Variants in NFIA observed in about 807,000 individuals in gnomAD.
The protein encoded by NFIA is nuclear factor I A.
In NFIA, 8 loss-of-function variants were observed where a neutral mutation model predicts 62.8. The ratio of observed to expected loss-of-function variants is 0.13; its 90% confidence interval spans 0.07 to 0.23. The LOEUF is 0.23. NFIA is among the 10% of genes least tolerant of loss of function. The pLI is 1.00. For missense variants in NFIA, 410 were observed against 642.1 expected (o/e 0.64, Z 3.91); for synonymous variants, 235 against 238.1 (o/e 0.99, Z 0.12).
At chr1:61,203,908 G>A (rs979965886) in intron 2 of NFIA, among the ~76,000 whole-genome samples, 1 of 152,184 alleles carries the variant, frequency 6.6e-6, no homozygotes, top group African/African-American at 2.4e-5. Context: ...CAGTTGCCAG[G>A]CTCCATTTGG....
intron 2 of NFIA, among the ~76,000 whole-genome samples, chr1:61,198,469 T>C (rs1259170058): frequency 6.6e-6 from 1 of 152,210 alleles, no homozygotes. Flanking sequence ...GGTGATTTAG[T>C]GTGAAAGTAC....
chr1:61,244,978 TA>T (rs1301050246), intron 2 of NFIA, among the ~76,000 whole-genome samples: 1 of 152,206 alleles, frequency 6.6e-6, no homozygotes, highest in Non-Finnish European at 1.5e-5. Flanking sequence ...TTTTCTTCAT[TA>T]AATACTTTCA....
chr1:61,357,364 G>A (rs1251924235), intron 5 of NFIA, among the ~76,000 whole-genome samples: 1 of 152,232 alleles, frequency 6.6e-6, no homozygotes, highest in Non-Finnish European at 1.5e-5. Flanking sequence ...TTCGGACTGT[G>A]AGGGTGTCTG....
intron 2 of NFIA, among the ~76,000 whole-genome samples, chr1:61,092,684 T>C (rs1391344860): frequency 6.6e-6 from 1 of 152,254 alleles, no homozygotes; most frequent in Non-Finnish European, 1.5e-5. Flanking sequence ...ATTATTCCAT[T>C]TCAGCCAAAA....
chr1:61,433,343 G>A (rs1324617407), intron 10 of NFIA, among the ~76,000 whole-genome samples: 1 of 152,200 alleles, frequency 6.6e-6, no homozygotes, highest in South Asian at 2.1e-4. Context: ...TTTGTCCAGA[G>A]ACCAGATAGC....
At chr1:61,294,295 CAGGCATT>C (rs147408111) in intron 3 of NFIA, among the ~76,000 whole-genome samples, 2,085 of 152,294 alleles carry the variant, frequency 0.014, 35 homozygotes, top group African/African-American at 0.048. Context: ...GATACTGCTC[CAGGCATT>C]AGTCACAAGA....
intron 2 of NFIA, among the ~76,000 whole-genome samples, chr1:61,248,597 A>G (rs1228307386): frequency 6.6e-6 from 1 of 152,208 alleles, no homozygotes; most frequent in Non-Finnish European, 1.5e-5. Flanking sequence ...CAATTAATGA[A>G]GGGGATTTAA....
intron 2 of NFIA, among the ~76,000 whole-genome samples, chr1:61,161,622 CAG>C (rs1477734877): frequency 6.6e-6 from 1 of 150,774 alleles, no homozygotes; most frequent in Non-Finnish European, 1.5e-5. Context: ...CACACACACG[CAG>C]ACAGTCTCTG....
At position 61,459,526 on chromosome 1, in the gene NFIA, C is replaced by T. The variant is rs994696606; in HGVS notation, c.*4206C>T. ...ATGACAGTTACGTGTGGTCAGCCCGCTCCCCAGGCCCGTCCCTGCCGCCGC... is the reference window on the plus strand; with the variant it reads ...ATGACAGTTACGTGTGGTCAGCCCGTTCCCCAGGCCCGTCCCTGCCGCCGC... On this transcript the variant is annotated 3_prime_UTR_variant, in exon 11 of 11. Coordinates refer to ENST00000403491, the MANE Select transcript of NFIA (RefSeq NM_001134673.4). 2 of 152,360 alleles carry T rather than the reference C, an allele frequency of 1.3e-5. No individual in the cohort carries two copies. The highest frequency in any genetic ancestry group is 4.8e-5 in the African/African-American group (2 of 41,448). 9.4% of individuals were successfully genotyped at this position (152,360 alleles called of 1,614,324 possible).
intron 2 of NFIA, among the ~76,000 whole-genome samples, chr1:61,090,198 G>T (rs1646296024): frequency 6.6e-6 from 1 of 152,116 alleles, no homozygotes; most frequent in Admixed American, 6.5e-5. Flanking sequence ...AAATGTGTCT[G>T]CATATGTTAA....
chr1:61,452,279 A>AT (rs1172587570), intron 10 of NFIA, among the ~76,000 whole-genome samples: 1 of 151,536 alleles, frequency 6.6e-6, no homozygotes, highest in East Asian at 1.9e-4. Context: ...TATTATTATT[A>AT]TTAGAACTAT....
intron 2 of NFIA, among the ~76,000 whole-genome samples, chr1:61,144,869 G>A (rs1358577996): frequency 3.3e-5 from 5 of 152,054 alleles, no homozygotes; most frequent in African/African-American, 9.7e-5. Flanking sequence ...TCCAACCTGG[G>A]TCCATTTTTA....
intron 2 of NFIA, among the ~76,000 whole-genome samples, chr1:61,225,256 A>AC (rs1313673611): frequency 6.6e-6 from 1 of 150,682 alleles, no homozygotes. Flanking sequence ...TGTCCATAGT[A>AC]CTTTTTTTTT....
rs183349286 is a variant in NFIA at position 61,115,007 on chromosome 1, T to C, written c.559+26327T>C. On this transcript the variant is annotated intron_variant, in intron 2 of 10. Coordinates refer to ENST00000403491, the MANE Select transcript of NFIA (RefSeq NM_001134673.4). ...TTGTTTTTGTTTATTTTGGTTAGAA[T>C]CTCACTCTGTCACCCAGGCTGGAGT... is the stretch of plus-strand genomic sequence containing the variant. 5.6e-4 allele frequency among the ~76,000 whole-genome samples: 85 copies of C among 152,330 alleles called. 1 individual carries two copies. Among genetic ancestry groups the C allele is most frequent in the African/African-American group, 2.0e-3 (83 of 41,568 alleles).
chr1:61,414,517 C>CTTGGTTTT (rs1387261964), intron 9 of NFIA, among the ~76,000 whole-genome samples: 1 of 145,834 alleles, frequency 6.9e-6, no homozygotes, highest in Non-Finnish European at 1.5e-5. Context: ...CCCAAAGCTT[C>CTTGGTTTT]TTGGTTTTTT....
intron 2 of NFIA, among the ~76,000 whole-genome samples, chr1:61,129,168 C>T (rs190872192): frequency 1.8e-4 from 27 of 151,862 alleles, no homozygotes; most frequent in Admixed American, 1.7e-3. Context: ...GTGATCCGTT[C>T]GCCTCGGCCT....
intron 3 of NFIA, among the ~76,000 whole-genome samples, chr1:61,303,151 CTG>C (rs1464230354): frequency 2.6e-5 from 4 of 152,132 alleles, no homozygotes; most frequent in Non-Finnish European, 5.9e-5. Flanking sequence ...GGTGAGGAAA[CTG>C]AGGCTCAAAG....
chr1:61,197,593 A>C (rs1475920651), intron 2 of NFIA, among the ~76,000 whole-genome samples: 1 of 152,088 alleles, frequency 6.6e-6, no homozygotes, highest in Non-Finnish European at 1.5e-5. Flanking sequence ...CTGTAGATAA[A>C]GAAGGATTCA....
chr1:61,415,563 A>C (rs1371092195), intron 9 of NFIA, among the ~76,000 whole-genome samples: 1 of 152,196 alleles, frequency 6.6e-6, no homozygotes, highest in Non-Finnish European at 1.5e-5. Context: ...CATCTCATTC[A>C]TGTATCATGA....
Sources: allele counts gnomAD v4.1 joint callset (sites outside exome capture counted in the v4.1 genomes callset), GRCh38; gene constraint gnomAD v4.1.1; transcripts MANE v1.5; gene names NCBI Gene and HGNC (gene_info 2026-07-23, HGNC 2026-07-21).